The following UHRF1 variants were observed in gnomAD, a reference collection of about 807,000 sequenced individuals.
UHRF1 encodes E3 ubiquitin-protein ligase UHRF1.
Under a neutral mutation model 96.5 loss-of-function variants are expected in UHRF1, and 9 were observed. The ratio of observed to expected loss-of-function variants is 0.09; its 90% confidence interval spans 0.06 to 0.16. The LOEUF (loss-of-function observed/expected upper bound fraction) is 0.16, where lower values mean the gene tolerates loss of function less well. Ranked by LOEUF, UHRF1 falls within the 10% of genes least tolerant of loss-of-function variation. The pLI is 1.00. For synonymous variants in UHRF1, 455 were observed against 469.9 expected (o/e 0.97, Z 0.41); for missense variants, 626 against 1,131.1 (o/e 0.55, Z 6.40).
At position 4,929,251 on chromosome 19, in the gene UHRF1, C is replaced by T. The variant is rs369334351; in HGVS notation, c.183C>T (p.Tyr61=). ...QMEDGHTLFD[Y]EVRLNDTIQL... ...AGGACGGCCATACCCTCTTCGACTA[C>T]GAGGTCCGCCTGAATGACACCATCC... The change falls in exon 3 of 17, where the codon TAC becomes TAT. Residue 61 remains tyrosine (Y), a synonymous_variant. Coordinates refer to ENST00000650932, the MANE Select transcript of UHRF1 (RefSeq NM_001048201.3). 9.3e-6 allele frequency: 15 copies of T among 1,613,896 alleles called. 1 individual carries two copies. Among genetic ancestry groups the T allele is most frequent in the Middle Eastern group, 3.3e-4 (2 of 6,062 alleles).
chr19:4,918,481 G>C (rs1055059535), intron 2 of UHRF1, among the ~76,000 whole-genome samples: 1 of 150,172 alleles, frequency 6.7e-6, no homozygotes, highest in Non-Finnish European at 1.5e-5. Flanking sequence ...GCGTTGGCTT[G>C]ATGTCAGCTC....
intron 5 of UHRF1, among the ~76,000 whole-genome samples, chr19:4,933,484 G>A (rs2033123027): frequency 6.6e-6 from 1 of 152,178 alleles, no homozygotes; most frequent in Admixed American, 6.5e-5. Context: ...AAAGTGCTGG[G>A]ATTGCAGGCA....
At chr19:4,918,419 G>T (rs1212867227) in intron 2 of UHRF1, among the ~76,000 whole-genome samples, 1 of 149,264 alleles carries the variant, frequency 6.7e-6, no homozygotes, top group East Asian at 2.0e-4. Context: ...ACTGTGCCTG[G>T]CCTGTTTTTT....
intron 2 of UHRF1, among the ~76,000 whole-genome samples, chr19:4,914,999 G>A (rs1445308164): frequency 6.6e-6 from 1 of 152,230 alleles, no homozygotes; most frequent in African/African-American, 2.4e-5. Context: ...GGGCACTGCA[G>A]GGTGCGGAGC....
At chr19:4,957,825 CT>C (rs1398715866) in intron 16 of UHRF1, among the ~76,000 whole-genome samples, 1 of 152,210 alleles carries the variant, frequency 6.6e-6, no homozygotes, top group East Asian at 1.9e-4. Flanking sequence ...CCAGTGTCCC[CT>C]GGGGGCAGAA....
upstream of UHRF1, among the ~76,000 whole-genome samples, chr19:4,904,697 G>A (rs1226982945): frequency 6.6e-6 from 1 of 152,220 alleles, no homozygotes; most frequent in Non-Finnish European, 1.5e-5. Flanking sequence ...TGAACTTTGT[G>A]CCCATCAATG....
chr19:4,951,757 G>C (rs1014324185), intron 13 of UHRF1, among the ~76,000 whole-genome samples: 2 of 151,284 alleles, frequency 1.3e-5, no homozygotes, highest in Non-Finnish European at 2.9e-5. Flanking sequence ...AGAGAGATCT[G>C]GACGGAAAAA....
intron 1 of UHRF1, 137 bp from the exon 2 acceptor site, chr19:4,910,739 C>A: frequency 9.6e-7 from 1 of 1,039,128 alleles, no homozygotes; most frequent in Non-Finnish European, 1.4e-6. Context: ...TCTGGCTGTA[C>A]AGGAGGACTG....
rs1286252691 is a variant in UHRF1, at chr19:4,904,264, C to T, written c.-11+619C>T. ...TGCGATCTCGGCTCACTGCAAGCTCCGCCTCCCGTGTTCATGCCATTCTCC... is the reference window on the plus strand; with the variant it reads ...TGCGATCTCGGCTCACTGCAAGCTCTGCCTCCCGTGTTCATGCCATTCTCC... On this transcript the variant is annotated intron_variant, in intron 1 of 16. Transcript: ENST00000612630. 5.9e-5 allele frequency among the ~76,000 whole-genome samples: 9 copies of T among 151,938 alleles called. 1 individual carries two copies. The highest frequency in any genetic ancestry group is 4.6e-4 in the Admixed American group (7 of 15,242).
At chr19:4,915,435 G>T (rs2779165) in intron 2 of UHRF1, among the ~76,000 whole-genome samples, 8 of 152,192 alleles carry the variant, frequency 5.3e-5, no homozygotes, top group African/African-American at 1.2e-4. Context: ...CAGGTATGGC[G>T]GGGCCCAGTG....
chr19:4,933,473 C>T (rs1428799034), intron 5 of UHRF1, among the ~76,000 whole-genome samples: 1 of 152,180 alleles, frequency 6.6e-6, no homozygotes, highest in Non-Finnish European at 1.5e-5. Flanking sequence ...CTCGGCCTCC[C>T]AAAGTGCTGG....
intron 2 of UHRF1, among the ~76,000 whole-genome samples, chr19:4,927,584 T>C (rs2032914638): frequency 6.6e-6 from 1 of 152,022 alleles, no homozygotes; most frequent in African/African-American, 2.4e-5. Flanking sequence ...ACATTCTATG[T>C]ATGTCTCTCT....
upstream of UHRF1, among the ~76,000 whole-genome samples, chr19:4,907,680 A>G (rs898456136): frequency 2.2e-5 from 3 of 136,642 alleles, no homozygotes; most frequent in Admixed American, 7.4e-5. Flanking sequence ...GAGGCTGCCC[A>G]TCTTCCTTGC....
intron 1 of UHRF1, 35 bp from the exon 2 acceptor site, chr19:4,910,841 A>G: frequency 6.4e-7 from 1 of 1,572,154 alleles, no homozygotes; most frequent in Non-Finnish European, 8.7e-7. Context: ...GGTGCTGGTA[A>G]AACTGATGGG....
rs566835961 is a variant in UHRF1 at position 4,931,285 on chromosome 19, T to C, written c.569+409T>C. ...TGGACACAGATGGTGGCTGCGTCTG[T>C]CCGTGCTGCCATCGTGAGATTTCAC... On this transcript the variant is annotated intron_variant, in intron 4 of 16. Coordinates refer to ENST00000650932, the MANE Select transcript of UHRF1 (RefSeq NM_001048201.3). Among the ~76,000 whole-genome samples, 220 of 152,278 alleles carry C rather than the reference T, an allele frequency of 1.4e-3. 2 individuals carry two copies. Among genetic ancestry groups the C allele is most frequent in the African/African-American group, 5.0e-3 (207 of 41,564 alleles).
chr19:4,944,663 C>G lies in UHRF1; in HGVS notation c.1305+213C>G, dbSNP rs1402171989. ...ATCCTTGGGGGTGGGGGCTGCTGCTCTGCTCAGAGACACGTAAGGTCATTC... is the reference window on the plus strand; with the variant it reads ...ATCCTTGGGGGTGGGGGCTGCTGCTGTGCTCAGAGACACGTAAGGTCATTC... On this transcript the variant is annotated intron_variant, in intron 9 of 16. Transcript: ENST00000650932. Among the ~76,000 whole-genome samples the G allele has an allele frequency of 2.0e-5, 3 of 152,216 alleles. No individual in the cohort carries two copies. In the East Asian group the frequency reaches 5.8e-4, roughly 29 times the overall value.
At chr19:4,956,843 G>A in intron 16 of UHRF1, 30 bp downstream of exon 16, 1 of 1,472,750 alleles carries the variant, frequency 6.8e-7, no homozygotes, top group Non-Finnish European at 9.3e-7. Context: ...GGAGCCGGGT[G>A]GAAGGTTCTG....
chr19:4,909,624 A>C lies in UHRF1; in HGVS notation c.-42A>C. ...CCATCCCCAGCCGGGCCACGCGCGC[A>C]GGCAGACAAGCTGTTCGCGGCGACC... On this transcript the variant is annotated 5_prime_UTR_variant, in exon 1 of 17. Transcript: ENST00000650932. The C allele has an allele frequency of 1.6e-6, 1 of 611,280 alleles. No individual in the cohort carries two copies. The highest frequency in any genetic ancestry group is 2.9e-6 in the Non-Finnish European group (1 of 346,218). The allele number at this position is 611,280 out of a possible 1,614,324, so 37.9% of individuals were successfully genotyped here.
Position 4,945,969 on chromosome 19 carries a change from AGTGT to A in UHRF1, c.1410+12_1410+15del. On this transcript the variant is annotated splice_donor_5th_base_variant and intron_variant, in intron 10 of 16. Transcript: ENST00000650932. The stretch of plus-strand genomic sequence containing the variant: ...GGGGGGCTATGAGGATGATGTGGTG[AGTGT>A]GTGTGTGGGAGGGGTGGGGGAGGGT... The A allele has an allele frequency of 1.1e-6, 1 of 889,556 alleles. No homozygotes were observed. Among genetic ancestry groups the A allele is most frequent in the Non-Finnish European group, 1.7e-6 (1 of 597,260 alleles). 55.1% of individuals were successfully genotyped at this position (889,556 alleles called of 1,614,324 possible).
Sources: allele counts gnomAD v4.1 joint callset (sites outside exome capture counted in the v4.1 genomes callset), GRCh38; gene constraint gnomAD v4.1.1; transcripts MANE v1.5; gene names NCBI Gene and HGNC (gene_info 2026-07-23, HGNC 2026-07-21).